Variants in MTRR observed in about 807,000 individuals in gnomAD.
MTRR encodes the protein 5-methyltetrahydrofolate-homocysteine methyltransferase reductase, also known as methionine synthase reductase.
Under a neutral mutation model 79.2 loss-of-function variants are expected in MTRR, and 63 were observed. The observed-to-expected ratio is 0.80, with a 90% CI of 0.65 to 0.98. MTRR has a LOEUF of 0.98. Among genes scored for constraint, MTRR ranks in the 50% least tolerant of loss-of-function variants. The probability of loss-of-function intolerance (pLI) is 0.00; values close to 1 mark genes in which losing one functional copy is unlikely to be tolerated. For synonymous variants in MTRR, 355 were observed against 313.3 expected (o/e 1.13, Z -1.41); for missense variants, 895 against 839.6 (o/e 1.07, Z -0.82).
upstream of MTRR, chr5:7,867,892 C>G: frequency 6.2e-7 from 1 of 1,613,886 alleles, no homozygotes; most frequent in South Asian, 1.1e-5. Flanking sequence ...TCGAATGAAA[C>G]TTTTTACAAT....
At chr5:7,898,355 G>A (rs1325802878) in intron 14 of MTRR, among the ~76,000 whole-genome samples, 1 of 152,162 alleles carries the variant, frequency 6.6e-6, no homozygotes, top group East Asian at 1.9e-4. Context: ...TGGTCATTGA[G>A]AACTTGGAGA....
upstream of MTRR, chr5:7,866,654 C>T (rs147643311): frequency 2.7e-5 from 42 of 1,580,744 alleles, no homozygotes; most frequent in African/African-American, 3.1e-4. Flanking sequence ...ACCTTGCAGC[C>T]GTTGAAGGAA....
intron 4 of MTRR, among the ~76,000 whole-genome samples, chr5:7,877,395 G>A (rs921222667): frequency 6.6e-6 from 1 of 151,170 alleles, no homozygotes; most frequent in East Asian, 1.9e-4. Flanking sequence ...AATAAATAAA[G>A]GCTTTAACTA....
intron 11 of MTRR, among the ~76,000 whole-genome samples, chr5:7,894,874 G>A (rs1738242005): frequency 6.6e-6 from 1 of 152,200 alleles, no homozygotes; most frequent in Non-Finnish European, 1.5e-5. Flanking sequence ...AATACTTTCA[G>A]TAAATCTGTT....
At chr5:7,869,251 G>A in intron 1 of MTRR, 36 bp downstream of exon 1, 1 of 1,600,010 alleles carries the variant, frequency 6.2e-7, no homozygotes, top group Non-Finnish European at 8.5e-7. Flanking sequence ...CCGGATTCCG[G>A]CCGCTCGCCC....
At position 7,885,753 on chromosome 5, in the gene MTRR, A is replaced by G. The variant is rs1027111731; in HGVS notation, c.956A>G (p.Asn319Ser). The G allele has an allele frequency of 3.1e-6, 5 of 1,613,858 alleles. No individual in the cohort carries two copies. Among genetic ancestry groups the G allele is most frequent in the Non-Finnish European group, 4.2e-6 (5 of 1,180,026 alleles). Residue 319 changes from asparagine to serine, a missense_variant, in exon 7 of 15, where the codon AAC (asparagine) becomes AGC (serine). Physicochemically the swap from Asn to Ser is conservative, Grantham distance 46 (BLOSUM62 1). Transcript: ENST00000440940. ...GATGCCTTCAGCGTGATCTGCCCTA[A>G]CAGTGATTCTGAGGTACAAAGCCTA... ...PGDAFSVICP[N>S]SDSEVQSLLQ...
intron 8 of MTRR, 62 bp downstream of exon 8, chr5:7,886,765 G>A: frequency 2.2e-6 from 3 of 1,350,196 alleles, no homozygotes; most frequent in Non-Finnish European, 3.2e-6. Flanking sequence ...ATTTAGGATT[G>A]ATTAAACAAA....
chr5:7,892,448 T>A (rs1737762373), intron 10 of MTRR, among the ~76,000 whole-genome samples: 1 of 152,218 alleles, frequency 6.6e-6, no homozygotes, highest in East Asian at 1.9e-4. Context: ...ATCCTTTACA[T>A]GAAGATCCTT....
chr5:7,859,493 A>C (rs1313797401), intron 1 of MTRR: 1 of 1,606,830 alleles, frequency 6.2e-7, no homozygotes, highest in Non-Finnish European at 8.5e-7. Context: ...TAAATATTCC[A>C]CCAATTCACG....
intron 8 of MTRR, among the ~76,000 whole-genome samples, 155 bp downstream of exon 8, chr5:7,886,858 C>T (rs1736557901): frequency 6.6e-6 from 1 of 152,160 alleles, no homozygotes; most frequent in Non-Finnish European, 1.5e-5. Context: ...TGTGTGCTAT[C>T]ATCGTAACTA....
intron 1 of MTRR, among the ~76,000 whole-genome samples, chr5:7,854,807 C>T (rs1746190479): frequency 6.6e-6 from 1 of 152,132 alleles, no homozygotes; most frequent in African/African-American, 2.4e-5. Flanking sequence ...AGTCTGAGTC[C>T]CAGAGCTGAA....
At chr5:7,876,765 A>G (rs1164354367) in intron 4 of MTRR, among the ~76,000 whole-genome samples, 1 of 152,172 alleles carries the variant, frequency 6.6e-6, no homozygotes, top group Admixed American at 6.5e-5. Flanking sequence ...AGATAACAGT[A>G]ATCTATTTAC....
chr5:7,869,038 C>T (rs577580609), upstream of MTRR: 5 of 1,448,522 alleles, frequency 3.5e-6, no homozygotes, highest in Admixed American at 3.4e-5. Context: ...TCGTGGGCCT[C>T]CGTAGCAAAC....
chr5:7,896,874 C>G lies in MTRR; in HGVS notation c.1687C>G (p.Gln563Glu). The part of the protein sequence containing the change: ...IGFLQHREKL[Q>E]EQHPDGNFGA... Reference sequence around the variant, plus strand: ...TTTTTTTCCACTTAGAGAGAAACTCCAAGAACAACACCCAGATGGAAATTT... The same window carrying G: ...TTTTTTTCCACTTAGAGAGAAACTCGAAGAACAACACCCAGATGGAAATTT... The change falls in exon 13 of 15, where the codon CAA (glutamine) becomes GAA (glutamate). Residue 563 changes from glutamine to glutamate, a missense_variant. Gln to Glu is a conservative substitution (Grantham distance 29, BLOSUM62 2). Transcript: ENST00000440940. The G allele has an allele frequency of 1.2e-6, 2 of 1,613,826 alleles. No homozygotes were observed. The highest frequency in any genetic ancestry group is 1.3e-5 in the African/African-American group (1 of 74,946).
chr5:7,855,735 A>G (rs1746227859), intron 1 of MTRR, among the ~76,000 whole-genome samples: 1 of 152,220 alleles, frequency 6.6e-6, no homozygotes, highest in Non-Finnish European at 1.5e-5. Flanking sequence ...CAGTAGGGTT[A>G]TTAAGATTGT....
chr5:7,875,652 G>A (rs1431954111), intron 4 of MTRR, among the ~76,000 whole-genome samples: 1 of 152,318 alleles, frequency 6.6e-6, no homozygotes, highest in East Asian at 1.9e-4. Flanking sequence ...AACAGTGTAG[G>A]TATTTGCAGA....
chr5:7,892,654 A>G (rs1737798249), intron 10 of MTRR, 73 bp from the exon 11 acceptor site: 2 of 1,433,098 alleles, frequency 1.4e-6, no homozygotes, highest in Admixed American at 1.7e-5. Context: ...TAAACTGAAT[A>G]AAAGGATTGG....
At chr5:7,852,246 A>G (rs1023563149) in intron 1 of MTRR, among the ~76,000 whole-genome samples, 5 of 152,184 alleles carry the variant, frequency 3.3e-5, no homozygotes, top group Non-Finnish European at 7.3e-5. Context: ...CCATTCTGTG[A>G]TGCAGGCTGG....
Position 7,892,482 on chromosome 5 carries a change from A to G in MTRR, c.1371-245A>G, listed in dbSNP as rs141001076. On this transcript the variant is annotated intron_variant, in intron 10 of 14. Coordinates refer to ENST00000440940, the MANE Select transcript of MTRR (RefSeq NM_002454.3). ...TTAGGGCATATTAGATTTTATAAAT[A>G]TCATCTAGTCCTAGTGCAAGCAAAT... 0.015 allele frequency among the ~76,000 whole-genome samples: 2,358 copies of G among 152,300 alleles called. 32 individuals carry two copies. Among genetic ancestry groups the G allele is most frequent in the Non-Finnish European group, 0.025 (1,715 of 68,022 alleles).
Sources: gnomAD v4.1 joint callset for allele counts (sites outside exome capture counted in the v4.1 genomes callset) on GRCh38, gnomAD v4.1.1 for gene constraint, MANE v1.5 for transcripts, NCBI Gene and HGNC (gene_info 2026-07-23, HGNC 2026-07-21) for gene names.